The following DLG2 variants were observed in gnomAD, a reference collection of about 807,000 sequenced individuals.
DLG2 encodes discs large MAGUK scaffold protein 2, also known as disks large homolog 2.
DLG2 carries 45 observed loss-of-function variants against 132.5 expected under a neutral mutation model. The observed-to-expected ratio is 0.34, with a 90% CI of 0.27 to 0.44. The LOEUF (loss-of-function observed/expected upper bound fraction) is 0.44. DLG2 is among the 20% of genes least tolerant of loss of function. The pLI is 1.00. For missense variants in DLG2, 1,045 were observed against 1,196.9 expected (o/e 0.87, Z 1.87); for synonymous variants, 424 against 419.6 (o/e 1.01, Z -0.13).
chr11:84,381,561 A>G (rs572749584), intron 7 of DLG2, among the ~76,000 whole-genome samples: 1 of 152,306 alleles, frequency 6.6e-6, no homozygotes, highest in South Asian at 2.1e-4. Context: ...AAAATGTATT[A>G]ATAATTCAGT....
intron 6 of DLG2, among the ~76,000 whole-genome samples, chr11:85,094,148 T>C (rs960544802): frequency 4.6e-5 from 7 of 152,246 alleles, no homozygotes; most frequent in African/African-American, 1.7e-4. Flanking sequence ...ACTTTCAGGA[T>C]TATGATTGGC....
At chr11:83,957,184 G>T (rs1028309594) in intron 14 of DLG2, among the ~76,000 whole-genome samples, 2 of 152,166 alleles carry the variant, frequency 1.3e-5, no homozygotes, top group Non-Finnish European at 2.9e-5. Flanking sequence ...TAAGTTAAGG[G>T]CATGTGAGTA....
At chr11:83,580,281 C>T (rs550617661) in intron 19 of DLG2, among the ~76,000 whole-genome samples, 15 of 151,972 alleles carry the variant, frequency 9.9e-5, no homozygotes, top group Non-Finnish European at 1.5e-4. Context: ...AAATATATGC[C>T]CATGGTTAAA....
At chr11:84,285,065 C>T (rs1206214494) in intron 7 of DLG2, among the ~76,000 whole-genome samples, 1 of 152,198 alleles carries the variant, frequency 6.6e-6, no homozygotes, top group Non-Finnish European at 1.5e-5. Context: ...CACATTTAAA[C>T]ATTATTATGT....
intron 3 of DLG2, among the ~76,000 whole-genome samples, chr11:85,345,125 GA>G (rs780624256): frequency 6.6e-6 from 1 of 152,078 alleles, no homozygotes; most frequent in Non-Finnish European, 1.5e-5. Context: ...CCAACACTGT[GA>G]AAATAGACCA....
At chr11:84,966,657 T>C (rs749564526) in intron 6 of DLG2, among the ~76,000 whole-genome samples, 55 of 152,266 alleles carry the variant, frequency 3.6e-4, no homozygotes, top group Non-Finnish European at 7.4e-4. Flanking sequence ...ACAGACACTA[T>C]GTATGGTTAA....
intron 6 of DLG2, among the ~76,000 whole-genome samples, chr11:84,980,419 A>G (rs1392833458): frequency 6.6e-6 from 1 of 152,088 alleles, no homozygotes; most frequent in Non-Finnish European, 1.5e-5. Context: ...AGCTTAAAAC[A>G]TTGGAACATT....
At chr11:84,152,114 T>C (rs554551583) in intron 9 of DLG2, among the ~76,000 whole-genome samples, 3 of 152,214 alleles carry the variant, frequency 2.0e-5, no homozygotes, top group Non-Finnish European at 4.4e-5. Flanking sequence ...GTTTGCTGCA[T>C]TGATGATCTA....
rs544494040 is a variant in DLG2 at position 85,126,639 on chromosome 11, C to T, written c.283-14904G>A. ...GATACATCAAGCCCCCTGTTCCAAT[C>T]TCCCCCACGTAGACATGCCACCTTG... On this transcript the variant is annotated intron_variant, in intron 5 of 27. Transcript: ENST00000376104. Among the ~76,000 whole-genome samples, 3 of 152,176 alleles carry T rather than the reference C, an allele frequency of 2.0e-5. No homozygotes were observed. The East Asian group carries it at 5.8e-4, about 29-fold the overall frequency.
intron 13 of DLG2, 108 bp downstream of exon 13, chr11:83,965,216 A>G: frequency 1.6e-6 from 2 of 1,250,062 alleles, no homozygotes; most frequent in South Asian, 3.0e-5. Context: ...AAGTATTTCC[A>G]GAAGTTAACC....
intron 6 of DLG2, among the ~76,000 whole-genome samples, chr11:85,045,998 A>T (rs1355201131): frequency 6.6e-6 from 1 of 151,982 alleles, no homozygotes; most frequent in African/African-American, 2.4e-5. Context: ...CTAGGCCTAC[A>T]ATTTTGCTTC....
At chr11:84,185,341 T>C (rs2096253227) in intron 8 of DLG2, among the ~76,000 whole-genome samples, 1 of 152,214 alleles carries the variant, frequency 6.6e-6, no homozygotes, top group Admixed American at 6.5e-5. Flanking sequence ...CAATTGTGAA[T>C]GGGAGTTCAC....
At chr11:83,696,577 A>G (rs534210027) in intron 18 of DLG2, among the ~76,000 whole-genome samples, 2 of 152,364 alleles carry the variant, frequency 1.3e-5, no homozygotes, top group South Asian at 4.1e-4. Flanking sequence ...CTTGAAGTCC[A>G]TAAGCATTTA....
intron 21 of DLG2, chr11:83,486,345 GTCATGCAAAAAAAAAAAATTACACATTT>G (rs2093503823): frequency 5.4e-6 from 3 of 558,152 alleles, no homozygotes; most frequent in East Asian, 3.1e-5. Context: ...CCAATGACTT[GTCATGCAAAAAAAAAAAATTACACATTT>G]TCATGCAAAT....
intron 14 of DLG2, among the ~76,000 whole-genome samples, chr11:83,956,974 G>T (rs1275281220): frequency 6.6e-6 from 1 of 152,204 alleles, no homozygotes; most frequent in Non-Finnish European, 1.5e-5. Context: ...AATATCTTCA[G>T]AAAACCTTTC....
intron 18 of DLG2, among the ~76,000 whole-genome samples, chr11:83,716,139 C>T (rs532450636): frequency 2.0e-5 from 3 of 152,336 alleles, no homozygotes; most frequent in East Asian, 3.9e-4. Flanking sequence ...TTTAAAACTC[C>T]ATGAGAGTCC....
At chr11:84,475,954 G>A (rs1025553479) in intron 7 of DLG2, among the ~76,000 whole-genome samples, 2 of 151,956 alleles carry the variant, frequency 1.3e-5, no homozygotes, top group African/African-American at 2.4e-5. Flanking sequence ...GTTTAAGTCC[G>A]ATTGTATACA....
chr11:84,568,406 C>G (rs183140800), intron 6 of DLG2, among the ~76,000 whole-genome samples: 230 of 152,292 alleles, frequency 1.5e-3, no homozygotes, highest in Admixed American at 5.7e-3. Flanking sequence ...ACTTGGGAGG[C>G]TGAGGCATGA....
At chr11:84,941,224 C>A (rs1165954445) in intron 6 of DLG2, among the ~76,000 whole-genome samples, 1 of 152,100 alleles carries the variant, frequency 6.6e-6, no homozygotes, top group Non-Finnish European at 1.5e-5. Context: ...TTTGTGTTTT[C>A]ACATAAAATT....
Sources: gnomAD v4.1 joint callset for allele counts (sites outside exome capture counted in the v4.1 genomes callset) on GRCh38, gnomAD v4.1.1 for gene constraint, MANE v1.5 for transcripts, NCBI Gene and HGNC (gene_info 2026-07-23, HGNC 2026-07-21) for gene names.